The following SYT3 variants were observed in gnomAD, a reference collection of about 807,000 sequenced individuals.
SYT3 encodes the protein synaptotagmin-3.
In SYT3, 25 loss-of-function variants were observed where a neutral mutation model predicts 50.6. The observed-to-expected ratio is 0.49, with a 90% CI of 0.36 to 0.69. SYT3 has a LOEUF of 0.69. SYT3 is among the 30% of genes least tolerant of loss of function. The probability of loss-of-function intolerance (pLI) is 0.00; values close to 1 mark genes in which losing one functional copy is unlikely to be tolerated. For synonymous variants in SYT3, 323 were observed against 353.9 expected (o/e 0.91, Z 0.98); for missense variants, 589 against 793.6 (o/e 0.74, Z 3.10).
At position 50,625,189 on chromosome 19, in the gene SYT3, G is replaced by A. The variant is rs778440280; in HGVS notation, c.1680C>T (p.Pro560=). Residue 560 remains proline, a synonymous_variant, in exon 9 of 11, where the codon CCC becomes CCT. Transcript: ENST00000600079. This position sits in a 1 kb window ranked among gnomAD's most constrained non-coding sequence, Gnocchi z 7.5. ...WAEMLANPRK[P]VEHWHQLVEE... is the part of the protein sequence containing the mutation. ...CCACTAGCTGATGCCAGTGCTCCAC[G>A]GGCTTGCGGGGATTGGCCAGCATCT... The A allele has an allele frequency of 2.1e-5, 33 of 1,601,444 alleles. No individual in the cohort carries two copies. In the Admixed American group the frequency reaches 3.2e-4, roughly 16 times the overall value.
At chr19:50,651,522 C>G in the SYT3 span, among the ~76,000 whole-genome samples, 1 of 152,102 alleles carries the variant, frequency 6.6e-6, no homozygotes, top group Admixed American at 6.5e-5. Flanking sequence ...TCATTCATCT[C>G]TTGGTCCCCA....
At chr19:50,633,532 T>G (rs1222478736) in intron 3 of SYT3, among the ~76,000 whole-genome samples, 1 of 152,188 alleles carries the variant, frequency 6.6e-6, no homozygotes. Context: ...CACGACACAG[T>G]TAGGCAGGGC....
At chr19:50,651,556 C>T in the SYT3 span, among the ~76,000 whole-genome samples, 1 of 152,058 alleles carries the variant, frequency 6.6e-6, no homozygotes. Flanking sequence ...CACACAGGGG[C>T]CCTCTGAGAT....
the SYT3 span, among the ~76,000 whole-genome samples, chr19:50,646,784 G>C: frequency 6.6e-6 from 1 of 151,950 alleles, no homozygotes; most frequent in African/African-American, 2.4e-5. Context: ...AGTGGAGACA[G>C]AAATAAGGTG....
upstream of SYT3, among the ~76,000 whole-genome samples, chr19:50,643,683 T>C (rs1329334801): frequency 6.6e-6 from 1 of 151,638 alleles, no homozygotes; most frequent in African/African-American, 2.4e-5. Flanking sequence ...AGAAATACTT[T>C]CTGAGCACCT....
chr19:50,642,124 G>A (rs1000363183), upstream of SYT3, among the ~76,000 whole-genome samples: 3 of 152,158 alleles, frequency 2.0e-5, no homozygotes, highest in African/African-American at 4.8e-5. Flanking sequence ...CCCCCCAGAT[G>A]GATGTGTGTT....
chr19:50,644,398 G>T (rs1431149075), upstream of SYT3, among the ~76,000 whole-genome samples: 1 of 152,106 alleles, frequency 6.6e-6, no homozygotes, highest in African/African-American at 2.4e-5. Flanking sequence ...ATGGATAGAT[G>T]AAGAGTTAGA....
Position 50,637,144 on chromosome 19 carries a change from TG to T in SYT3, c.148+119del. ...GGGAGAAGGGCAGCAGCAGGCAGAATGGGGGCAAGACGCTACGAGGGACTGA... is the reference window on the plus strand; with the variant it reads ...GGGAGAAGGGCAGCAGCAGGCAGAATGGGGCAAGACGCTACGAGGGACTGA... On this transcript the variant is annotated intron_variant, in intron 3 of 10. Transcript: ENST00000600079. The surrounding 1 kb of genome is among the most constrained non-coding windows in gnomAD (Gnocchi z 4.9). 1 of 1,231,226 alleles carries T rather than the reference TG, an allele frequency of 8.1e-7. No homozygotes were observed. The highest frequency in any genetic ancestry group is 1.5e-5 in the South Asian group (1 of 67,672). The allele number at this position is 1,231,226 out of a possible 1,614,324, so 76.3% of individuals were successfully genotyped here.
the SYT3 span, among the ~76,000 whole-genome samples, chr19:50,653,910 G>A: frequency 6.6e-5 from 10 of 152,188 alleles, no homozygotes; most frequent in African/African-American, 2.4e-4. Context: ...AACCAGGAGG[G>A]GTAGATGGAG....
chr19:50,650,646 G>A, the SYT3 span, among the ~76,000 whole-genome samples: 9 of 152,332 alleles, frequency 5.9e-5, no homozygotes, highest in East Asian at 1.2e-3. Context: ...ACTCCAGCCT[G>A]GGTGATGGAG....
In SYT3 at chr19:50,639,436, G is replaced by C. The variant is rs890942465; in HGVS notation, c.-153-274C>G. On this transcript the variant is annotated intron_variant, in intron 1 of 10. Coordinates refer to ENST00000600079, the MANE Select transcript of SYT3 (RefSeq NM_001160329.2). The surrounding 1 kb of genome is among the most constrained non-coding windows in gnomAD (Gnocchi z 4.6). ...ATGGGATTTTTTTTTTTTTTTTAAG[G>C]TTTTGGGGGGTTAAGATGCTGGGGT... 8 of 149,398 alleles carry C rather than the reference G, an allele frequency of 5.4e-5. No homozygotes were observed. Among genetic ancestry groups the C allele is most frequent in the Admixed American group, 3.3e-4 (5 of 15,118 alleles). The allele number at this position is 149,398 out of a possible 1,614,324, so 9.3% of individuals were successfully genotyped here. A position where few individuals can be genotyped will look rare whatever the true frequency, so the allele number is the denominator to read the frequency against.
rs1450834999 is a variant in SYT3 at position 50,625,707 on chromosome 19, G to A, written c.1403-143C>T. ...AGTCCCTCCTTCCTCAGGCCCAAGA[G>A]TCCAGACCCCAGGTCCTCCTCTCTC... On this transcript the variant is annotated intron_variant, in intron 7 of 10. Transcript: ENST00000600079. The surrounding 1 kb of genome is among the most constrained non-coding windows in gnomAD (Gnocchi z 7.5). 4.2e-6 allele frequency: 6 copies of A among 1,413,200 alleles called. No homozygotes were observed. Among genetic ancestry groups the A allele is most frequent in the Non-Finnish European group, 3.8e-6 (4 of 1,052,102 alleles). 87.5% of individuals were successfully genotyped at this position (1,413,200 alleles called of 1,614,324 possible). A position where few individuals can be genotyped will look rare whatever the true frequency, so the allele number is the denominator to read the frequency against.
rs575175175 is a variant in SYT3, at chr19:50,629,221, A to T, written c.1281+73T>A. 1.1e-5 allele frequency: 13 copies of T among 1,225,200 alleles called. No individual in the cohort carries two copies. In the South Asian group the frequency reaches 1.8e-4, roughly 17 times the overall value. The allele number at this position is 1,225,200 out of a possible 1,614,324, so 75.9% of individuals were successfully genotyped here. On this transcript the variant is annotated intron_variant, in intron 6 of 10. Transcript: ENST00000600079. ...AGAAGTGAGGAAGTTATGAACTCTG[A>T]GGGCAGGGGGCTTGCAACCCGGGGG...
chr19:50,645,514 T>C, the SYT3 span, among the ~76,000 whole-genome samples: 1 of 151,534 alleles, frequency 6.6e-6, no homozygotes, highest in Non-Finnish European at 1.5e-5. Context: ...GAGAGAAAGA[T>C]GGAGATACAG....
chr19:50,625,772 ACC>A lies in SYT3; in HGVS notation c.1402+123_1402+124del. The A allele has an allele frequency of 2.9e-5, 12 of 416,940 alleles. 1 individual carries two copies. The highest frequency in any genetic ancestry group is 1.1e-4 in the South Asian group (4 of 35,900). The allele number at this position is 416,940 out of a possible 1,614,324, so 25.8% of individuals were successfully genotyped here. A position where few individuals can be genotyped will look rare whatever the true frequency, so the allele number is the denominator to read the frequency against. ...AGGCCCCTGGCCCCTCCTCCCTCAG[ACC>A]CAGGAGTCCAGATCCCCAGCTCCTC... On this transcript the variant is annotated intron_variant, in intron 7 of 10. Transcript: ENST00000600079. The surrounding 1 kb of genome is among the most constrained non-coding windows in gnomAD (Gnocchi z 7.5).
chr19:50,642,599 C>T (rs766006558), upstream of SYT3, among the ~76,000 whole-genome samples: 1 of 152,120 alleles, frequency 6.6e-6, no homozygotes, highest in East Asian at 1.9e-4. Context: ...TTTGGGAGGC[C>T]GAGGCTGGCA....
the SYT3 span, among the ~76,000 whole-genome samples, chr19:50,646,708 G>A: frequency 6.6e-6 from 1 of 152,082 alleles, no homozygotes; most frequent in East Asian, 1.9e-4. Flanking sequence ...TAAAAGATGA[G>A]GGCATTTGGG....
At position 50,639,374 on chromosome 19, in the gene SYT3, G is replaced by A. The variant is rs1173941026; in HGVS notation, c.-153-212C>T. On this transcript the variant is annotated intron_variant, in intron 1 of 10. Transcript: ENST00000600079. The surrounding 1 kb of genome is among the most constrained non-coding windows in gnomAD (Gnocchi z 4.6). ...GACCCGGCGCTGCAGGATCTGCTGG[G>A]AGTTGAAGTCCTTAATGCCTCCGGG... The A allele has an allele frequency of 6.6e-6, 1 of 152,094 alleles. No individual in the cohort carries two copies. Among genetic ancestry groups the A allele is most frequent in the Non-Finnish European group, 1.5e-5 (1 of 68,088 alleles). The allele number at this position is 152,094 out of a possible 1,614,324, so 9.4% of individuals were successfully genotyped here.
the SYT3 span, among the ~76,000 whole-genome samples, chr19:50,647,319 G>A: frequency 7.2e-5 from 11 of 152,094 alleles, no homozygotes; most frequent in African/African-American, 2.2e-4. Context: ...GGTCAGTTCC[G>A]GGCACAGAAA....
Sources: gnomAD v4.1 joint callset for allele counts (sites outside exome capture counted in the v4.1 genomes callset) on GRCh38, gnomAD v4.1.1 for gene constraint, Gnocchi (gnomAD v3.1) non-coding constraint, MANE v1.5 for transcripts, NCBI Gene and HGNC (gene_info 2026-07-23, HGNC 2026-07-21) for gene names.